The following TNR variants were observed in gnomAD, a reference collection of about 807,000 sequenced individuals.
The protein encoded by TNR is tenascin R.
A neutral mutation model predicts 150.4 loss-of-function variants in TNR; 45 were observed. The ratio of observed to expected loss-of-function variants is 0.30; its 90% CI spans 0.24 to 0.38. TNR has a LOEUF of 0.38. Ranked by LOEUF, TNR falls within the 10% of genes least tolerant of loss-of-function variation. The pLI, the probability that TNR is intolerant of heterozygous loss-of-function variation, is 1.00. For synonymous variants in TNR, 687 were observed against 678.4 expected, an observed-to-expected ratio of 1.01 and a Z score of -0.20; for missense variants, 1,544 against 1,759.1, an observed-to-expected ratio of 0.88 and a Z score of 2.19.
At chr1:175,519,204 G>C (rs1261625675) in intron 2 of TNR, among the ~76,000 whole-genome samples, 1 of 152,158 alleles carries the variant, frequency 6.6e-6, no homozygotes, top group Non-Finnish European at 1.5e-5. Flanking sequence ...CTGACTCTAA[G>C]AATTCTAACT....
chr1:175,386,332 G>T (rs762541667), intron 7 of TNR, 31 bp from the exon 8 acceptor site: 1 of 1,509,066 alleles, frequency 6.6e-7, no homozygotes, highest in South Asian at 1.3e-5. Flanking sequence ...AGAACAAAAA[G>T]TTTGAATGAG....
intron 1 of TNR, among the ~76,000 whole-genome samples, chr1:175,549,207 G>C (rs1660837380): frequency 6.6e-6 from 1 of 152,218 alleles, no homozygotes; most frequent in Admixed American, 6.5e-5. Context: ...TTACTCATTT[G>C]GGTGAGAGAG....
In TNR at chr1:175,711,695, G is replaced by A. The variant is rs559926586; in HGVS notation, c.-165+31531C>T. Reference sequence around the variant, plus strand: ...AGAAGCACTGAGAGAGGTGGTGGGAGGGGCTGAATTCTGAATAGATCTCAC... The same window carrying A: ...AGAAGCACTGAGAGAGGTGGTGGGAAGGGCTGAATTCTGAATAGATCTCAC... On this transcript the variant is annotated intron_variant, in intron 1 of 22. Coordinates refer to ENST00000367674, the MANE Select transcript of TNR (RefSeq NM_003285.3). Among the ~76,000 whole-genome samples, 8 of 152,316 alleles carry A rather than the reference G, an allele frequency of 5.3e-5. No homozygotes were observed. The East Asian group carries it at 1.4e-3, about 26-fold the overall frequency.
Position 175,390,207 on chromosome 1 carries a change from G to A in TNR, c.1507+1081C>T, listed in dbSNP as rs80312127. Reference sequence around the variant, plus strand: ...TGTTTGGTTTGGATTCAGTAGCAGAGCATGAATCACTAATCTATAAATGTG... The same window carrying A: ...TGTTTGGTTTGGATTCAGTAGCAGAACATGAATCACTAATCTATAAATGTG... On this transcript the variant is annotated intron_variant, in intron 7 of 22. Coordinates refer to ENST00000367674, the MANE Select transcript of TNR (RefSeq NM_003285.3). Among the ~76,000 whole-genome samples the A allele has an allele frequency of 7.2e-3, 1,102 of 152,292 alleles. 14 individuals carry two copies. Among genetic ancestry groups the A allele is most frequent in the African/African-American group, 0.025 (1,039 of 41,544 alleles).
At chr1:175,524,892 A>G (rs770300042) in intron 2 of TNR, among the ~76,000 whole-genome samples, 1 of 152,210 alleles carries the variant, frequency 6.6e-6, no homozygotes, top group African/African-American at 2.4e-5. Flanking sequence ...CAGAATGCTT[A>G]ATTTCCTGAG....
chr1:175,723,364 C>T lies in TNR; in HGVS notation c.-165+19862G>A, dbSNP rs569425290. 7.7e-4 allele frequency among the ~76,000 whole-genome samples: 117 copies of T among 152,140 alleles called. 1 individual carries two copies. The highest frequency in any genetic ancestry group is 1.3e-3 in the Non-Finnish European group (88 of 68,034). On this transcript the variant is annotated intron_variant, in intron 1 of 22. Transcript: ENST00000367674. ...TTCATAGGAGCTCAGCCCTTATCTG[C>T]AGTCTACCTGGGTGTCATCTCCACT...
intron 1 of TNR, among the ~76,000 whole-genome samples, chr1:175,593,019 G>A (rs1224705713): frequency 6.6e-6 from 1 of 152,108 alleles, no homozygotes; most frequent in East Asian, 1.9e-4. Context: ...GGTCATGGGA[G>A]GAAGAAAGCA....
chr1:175,446,240 C>T (rs35502462), intron 2 of TNR, among the ~76,000 whole-genome samples: 20,593 of 152,176 alleles, frequency 0.14, 3,067 homozygotes, highest in African/African-American at 0.37. Flanking sequence ...CACTCAGAGC[C>T]TGATGCTTGT....
chr1:175,552,972 G>C (rs955422641), intron 1 of TNR, among the ~76,000 whole-genome samples: 3 of 152,112 alleles, frequency 2.0e-5, no homozygotes, highest in Non-Finnish European at 4.4e-5. Flanking sequence ...CTAGACCTGA[G>C]AGCCCTCTTG....
chr1:175,454,473 C>T (rs1225402409), intron 2 of TNR, among the ~76,000 whole-genome samples: 1 of 151,982 alleles, frequency 6.6e-6, no homozygotes, highest in East Asian at 1.9e-4. Context: ...TTTATTCATT[C>T]ATTTATTTAT....
intron 2 of TNR, among the ~76,000 whole-genome samples, chr1:175,413,895 G>A (rs1232200071): frequency 6.6e-6 from 1 of 152,230 alleles, no homozygotes; most frequent in Non-Finnish European, 1.5e-5. Context: ...CACTTTGAGA[G>A]GCCAAGGCAG....
intron 2 of TNR, among the ~76,000 whole-genome samples, chr1:175,469,512 C>T (rs1345742625): frequency 6.6e-6 from 1 of 151,896 alleles, no homozygotes; most frequent in African/African-American, 2.4e-5. Flanking sequence ...ATTTATCAAG[C>T]AGGGGACTGA....
intron 4 of TNR, among the ~76,000 whole-genome samples, chr1:175,397,219 C>A (rs1208196023): frequency 6.6e-6 from 1 of 152,126 alleles, no homozygotes; most frequent in Non-Finnish European, 1.5e-5. Flanking sequence ...ATTATGTGTA[C>A]CTTTAAGATA....
intron 1 of TNR, among the ~76,000 whole-genome samples, chr1:175,578,081 C>T (rs1244190268): frequency 6.6e-5 from 10 of 152,156 alleles, no homozygotes; most frequent in Non-Finnish European, 1.2e-4. Context: ...TATGTTAGCG[C>T]TTGTTATTAG....
chr1:175,691,847 C>T (rs982488409), intron 1 of TNR, among the ~76,000 whole-genome samples: 13 of 152,250 alleles, frequency 8.5e-5, no homozygotes, highest in South Asian at 4.1e-4. Context: ...ACATGCATTC[C>T]GTTTCAGGAG....
rs546961189 is a variant in TNR, at chr1:175,459,655, T to C, written c.-63-52878A>G. Among the ~76,000 whole-genome samples the C allele has an allele frequency of 2.6e-5, 4 of 152,298 alleles. No homozygotes were observed. In the East Asian group the frequency reaches 7.7e-4, roughly 29 times the overall value. ...GAAGGAAGATCCAGTTCTTCACAGTTCCAGGAGGTGGGGTGGCAGCAGTGG... is the reference window on the plus strand; with the variant it reads ...GAAGGAAGATCCAGTTCTTCACAGTCCCAGGAGGTGGGGTGGCAGCAGTGG... On this transcript the variant is annotated intron_variant, in intron 2 of 22. Coordinates refer to ENST00000367674, the MANE Select transcript of TNR (RefSeq NM_003285.3).
intron 2 of TNR, among the ~76,000 whole-genome samples, chr1:175,490,435 C>T (rs1393054366): frequency 6.6e-6 from 1 of 152,194 alleles, no homozygotes; most frequent in African/African-American, 2.4e-5. Context: ...AGTGAACAGA[C>T]AACCTACTGA....
intron 2 of TNR, among the ~76,000 whole-genome samples, chr1:175,507,219 GC>G (rs1482768218): frequency 6.6e-6 from 1 of 152,150 alleles, no homozygotes; most frequent in Non-Finnish European, 1.5e-5. Flanking sequence ...GGGGATACAG[GC>G]CAACGAGGAT....
At chr1:175,680,503 G>A (rs1471278921) in intron 1 of TNR, among the ~76,000 whole-genome samples, 1 of 152,182 alleles carries the variant, frequency 6.6e-6, no homozygotes, top group African/African-American at 2.4e-5. Flanking sequence ...GAGAAGAGAT[G>A]CTGGCAGGAT....
Sources: gnomAD v4.1 joint callset for allele counts (sites outside exome capture counted in the v4.1 genomes callset) on GRCh38, gnomAD v4.1.1 for gene constraint, MANE v1.5 for transcripts, NCBI Gene and HGNC (gene_info 2026-07-23, HGNC 2026-07-21) for gene names.